The following PAPPA variants were observed in gnomAD, a reference collection of about 807,000 sequenced individuals.
PAPPA encodes the protein pappalysin-1.
Under a neutral mutation model 164.0 loss-of-function variants are expected in PAPPA, and 60 were observed. The observed-to-expected ratio is 0.37, with a 90% confidence interval of 0.30 to 0.45. PAPPA has a LOEUF of 0.45. Ranked by LOEUF, PAPPA falls within the 20% of genes least tolerant of loss-of-function variation. The probability of loss-of-function intolerance (pLI) is 1.00; values close to 1 mark genes in which losing one functional copy is unlikely to be tolerated. For missense variants in PAPPA, 1,782 were observed against 2,087.3 expected (o/e 0.85, Z 2.85); for synonymous variants, 875 against 814.1 (o/e 1.07, Z -1.27).
rs1307738321 is a variant in PAPPA at position 116,326,064 on chromosome 9, C to T, written c.3148-5180C>T. Among the ~76,000 whole-genome samples, 4 of 152,206 alleles carry T rather than the reference C, an allele frequency of 2.6e-5. No homozygotes were observed. The East Asian group carries it at 7.8e-4, about 30-fold the overall frequency. On this transcript the variant is annotated intron_variant, in intron 10 of 21. Coordinates refer to ENST00000328252, the MANE Select transcript of PAPPA (RefSeq NM_002581.5). The stretch of plus-strand genomic sequence containing the variant: ...AGTGGATCCAGGAGTCTCTCTCTCT[C>T]TCTGACTGTTGGAGAGGACTGTCCA...
intron 2 of PAPPA, among the ~76,000 whole-genome samples, chr9:116,200,079 A>G (rs545217969): frequency 2.1e-3 from 317 of 152,270 alleles, no homozygotes; most frequent in South Asian, 7.7e-3. Context: ...GGAGGGGACA[A>G]ATATCCAAAC....
chr9:116,382,726 G>C (rs1039574572), intron 21 of PAPPA, among the ~76,000 whole-genome samples: 5 of 152,128 alleles, frequency 3.3e-5, no homozygotes, highest in Admixed American at 2.6e-4. Flanking sequence ...AATTGGGTAC[G>C]GAAGCAGGTA....
chr9:116,282,946 G>A (rs564850408), intron 9 of PAPPA, among the ~76,000 whole-genome samples: 77 of 152,286 alleles, frequency 5.1e-4, no homozygotes, highest in Middle Eastern at 6.8e-3. Flanking sequence ...GTACCAAAGA[G>A]ATGTTAACAT....
At chr9:116,343,725 A>G (rs1846168031) in intron 13 of PAPPA, among the ~76,000 whole-genome samples, 1 of 139,698 alleles carries the variant, frequency 7.2e-6, no homozygotes, top group South Asian at 2.3e-4. Flanking sequence ...TATTTACAAC[A>G]TCAGCTACCA....
chr9:116,339,746 C>T (rs935760316), intron 13 of PAPPA, among the ~76,000 whole-genome samples: 3 of 152,210 alleles, frequency 2.0e-5, no homozygotes, highest in East Asian at 1.9e-4. Context: ...GCAGTTACAC[C>T]GTGAGTCAAG....
intron 6 of PAPPA, among the ~76,000 whole-genome samples, chr9:116,231,766 C>CTTCTTTTTTTT (rs1844598923): frequency 1.7e-5 from 1 of 57,524 alleles, no homozygotes; most frequent in African/African-American, 6.7e-5. Flanking sequence ...TTTTCTTTTT[C>CTTCTTTTTTTT]TTTTTTTTTT....
rs200479556 is a variant in PAPPA at position 116,259,167 on chromosome 9, T to A, written c.2733-6690T>A. On this transcript the variant is annotated intron_variant, in intron 7 of 21. Transcript: ENST00000328252. ...TAATAGTAAATAATAATAATAATAATAAAAACCTATATTGTAGGTGCTTGA... is the reference window on the plus strand; with the variant it reads ...TAATAGTAAATAATAATAATAATAAAAAAAACCTATATTGTAGGTGCTTGA... Among the ~76,000 whole-genome samples the A allele has an allele frequency of 1.7e-4, 25 of 151,286 alleles. 1 individual carries two copies. In the East Asian group the frequency reaches 4.1e-3, roughly 25 times the overall value.
rs531163923 is a variant in PAPPA at position 116,204,277 on chromosome 9, C to T, written c.1479-3179C>T. Among the ~76,000 whole-genome samples the T allele has an allele frequency of 3.3e-5, 5 of 152,312 alleles. No individual in the cohort carries two copies. In the East Asian group the frequency reaches 9.6e-4, roughly 29 times the overall value. ...ACAGATTAAGCTACAGATTAATACA[C>T]ACACAGCTTAATCTACAGACTAATA... On this transcript the variant is annotated intron_variant, in intron 2 of 21. Transcript: ENST00000328252.
intron 5 of PAPPA, among the ~76,000 whole-genome samples, chr9:116,226,111 A>G (rs1844504320): frequency 6.6e-6 from 1 of 152,226 alleles, no homozygotes; most frequent in South Asian, 2.1e-4. Flanking sequence ...GGGTAACATG[A>G]CGCAACATGA....
chr9:116,202,484 C>T (rs1844183094), intron 2 of PAPPA, among the ~76,000 whole-genome samples: 1 of 152,102 alleles, frequency 6.6e-6, no homozygotes, highest in Non-Finnish European at 1.5e-5. Context: ...GTCTGGGCGC[C>T]TTGGCAATCA....
intron 9 of PAPPA, among the ~76,000 whole-genome samples, chr9:116,300,472 C>T (rs921987990): frequency 1.1e-4 from 16 of 151,910 alleles, no homozygotes; most frequent in African/African-American, 3.9e-4. Context: ...GAGACAGGGT[C>T]TCATCATGTT....
intron 8 of PAPPA, among the ~76,000 whole-genome samples, chr9:116,269,256 T>C (rs2118821603): frequency 1.3e-5 from 2 of 152,290 alleles, no homozygotes; most frequent in South Asian, 4.1e-4. Flanking sequence ...ACAGAGGTTT[T>C]CTCAAGCTTC....
rs116500474 is a variant in PAPPA at position 116,342,734 on chromosome 9, A to C, written c.3612-1809A>C. On this transcript the variant is annotated intron_variant, in intron 13 of 21. Transcript: ENST00000328252. ...TGGCCAAAATGTCTCCCTGTCTCCT[A>C]GATAAAAATAGGAACATAAAAGCCT... Among the ~76,000 whole-genome samples the C allele has an allele frequency of 8.1e-3, 1,236 of 152,314 alleles. 22 individuals carry two copies. The highest frequency in any genetic ancestry group is 0.028 in the African/African-American group (1,164 of 41,578).
intron 21 of PAPPA, among the ~76,000 whole-genome samples, chr9:116,387,502 T>C (rs529479532): frequency 1.3e-5 from 2 of 152,122 alleles, no homozygotes; most frequent in African/African-American, 4.8e-5. Flanking sequence ...GCCTTCCAAA[T>C]AGCTGGGACT....
chr9:116,225,182 A>G (rs1844490812), intron 5 of PAPPA, among the ~76,000 whole-genome samples: 1 of 152,210 alleles, frequency 6.6e-6, no homozygotes, highest in African/African-American at 2.4e-5. Context: ...ATCCCAGAAC[A>G]TTTGTAACCC....
intron 1 of PAPPA, among the ~76,000 whole-genome samples, chr9:116,156,348 G>GTATATATATA (rs746877150): frequency 1.7e-5 from 2 of 117,100 alleles, no homozygotes; most frequent in African/African-American, 6.0e-5. Context: ...ATATATATAT[G>GTATATATATA]TATATATATA....
In PAPPA at chr9:116,153,831, T is replaced by C. The variant is rs1280232660; in HGVS notation, c.-342T>C. The C allele has an allele frequency of 6.4e-6, 1 of 156,066 alleles. No homozygotes were observed. Among genetic ancestry groups the C allele is most frequent in the Non-Finnish European group, 1.4e-5 (1 of 71,184 alleles). The allele number at this position is 156,066 out of a possible 1,614,324, so 9.7% of individuals were successfully genotyped here. On this transcript the variant is annotated 5_prime_UTR_variant, in exon 1 of 22. Coordinates refer to ENST00000328252, the MANE Select transcript of PAPPA (RefSeq NM_002581.5). ...GGGAGGGAATTCAGCGGATCAGTCTTAAGAGGAGCTTTTTTTTGGAGCGAG... is the reference window on the plus strand; with the variant it reads ...GGGAGGGAATTCAGCGGATCAGTCTCAAGAGGAGCTTTTTTTTGGAGCGAG...
chr9:116,322,155 G>A (rs960400684), intron 10 of PAPPA, among the ~76,000 whole-genome samples: 7 of 152,212 alleles, frequency 4.6e-5, no homozygotes, highest in East Asian at 3.9e-4. Context: ...GGCCAGGCGC[G>A]GTGACTCACG....
At chr9:116,272,743 G>T (rs777784712) in intron 9 of PAPPA, among the ~76,000 whole-genome samples, 1 of 152,086 alleles carries the variant, frequency 6.6e-6, no homozygotes, top group African/African-American at 2.4e-5. Context: ...AATATGGTCC[G>T]GTCCCTAGTA....
Sources: gnomAD v4.1 joint callset for allele counts (sites outside exome capture counted in the v4.1 genomes callset) on GRCh38, gnomAD v4.1.1 for gene constraint, MANE v1.5 for transcripts, NCBI Gene and HGNC (gene_info 2026-07-23, HGNC 2026-07-21) for gene names.